TRPM3: variants seen among roughly 807,000 people sequenced by gnomAD.
TRPM3 encodes the protein transient receptor potential cation channel subfamily M member 3.
TRPM3 carries 77 observed loss-of-function variants against 181.2 expected under a neutral mutation model. The ratio of observed to expected loss-of-function variants is 0.42; its 90% CI spans 0.35 to 0.51. The LOEUF (loss-of-function observed/expected upper bound fraction) is 0.51, where lower values mean the gene tolerates loss of function less well. Among genes scored for constraint, TRPM3 ranks in the 20% least tolerant of loss-of-function variants. TRPM3 has a pLI of 0.01. For missense variants in TRPM3, 1,759 were observed against 2,196.7 expected (o/e 0.80, Z 3.98); for synonymous variants, 745 against 796.4 (o/e 0.94, Z 1.09).
intron 1 of TRPM3, among the ~76,000 whole-genome samples, chr9:71,202,862 C>T (rs1337262615): frequency 1.3e-5 from 2 of 152,204 alleles, no homozygotes; most frequent in South Asian, 2.1e-4. Context: ...AGAAAACTTA[C>T]ATACATAGCT....
chr9:70,860,605 G>C (rs1415223), intron 3 of TRPM3, among the ~76,000 whole-genome samples: 53,454 of 151,572 alleles, frequency 0.35, 9,724 homozygotes, highest in African/African-American at 0.38. Context: ...CAGATGCTGT[G>C]GTCAACCAGT....
At position 71,263,200 on chromosome 9, in the gene TRPM3, T is replaced by A. The variant is rs186449883; in HGVS notation, c.183+183453A>T. ...GACATAAGTGCTTTCATAATAATTT[T>A]CATACCTTCATCTTAGTTGACTTTG... On this transcript the variant is annotated intron_variant, in intron 1 of 24. Coordinates refer to the TRPM3 transcript ENST00000357533. 1.4e-3 allele frequency among the ~76,000 whole-genome samples: 206 copies of A among 152,358 alleles called. 2 individuals are homozygous for A. The highest frequency in any genetic ancestry group is 4.5e-3 in the African/African-American group (186 of 41,582).
At chr9:71,166,902 T>C (rs2076567646) in intron 1 of TRPM3, among the ~76,000 whole-genome samples, 4 of 152,130 alleles carry the variant, frequency 2.6e-5, no homozygotes, top group Admixed American at 2.6e-4. Context: ...CTAGAATCAT[T>C]CACTTGTAAT....
intron 19 of TRPM3, among the ~76,000 whole-genome samples, chr9:70,607,867 G>GTCTC (rs1260472508): frequency 2.6e-5 from 4 of 152,190 alleles, no homozygotes; most frequent in Non-Finnish European, 5.9e-5. Flanking sequence ...GTCTCTCTCT[G>GTCTC]TCTCTCACTA....
chr9:71,292,891 T>C (rs1013913785), intron 1 of TRPM3, among the ~76,000 whole-genome samples: 2 of 151,940 alleles, frequency 1.3e-5, no homozygotes, highest in Non-Finnish European at 1.5e-5. Context: ...GATTATATAT[T>C]GTCATTCAAC....
At chr9:70,802,367 CTG>C (rs562045118) in intron 6 of TRPM3, among the ~76,000 whole-genome samples, 7 of 152,300 alleles carry the variant, frequency 4.6e-5, no homozygotes, top group Non-Finnish European at 7.3e-5. Context: ...CTACTCAACT[CTG>C]TGGTTACAGT....
intron 1 of TRPM3, among the ~76,000 whole-genome samples, chr9:71,392,922 G>A (rs2093095935): frequency 6.6e-6 from 1 of 152,086 alleles, no homozygotes; most frequent in African/African-American, 2.4e-5. Flanking sequence ...GTAATGTTTT[G>A]GAATGTTATT....
chr9:71,319,496 T>C (rs1045563833), intron 1 of TRPM3, among the ~76,000 whole-genome samples: 1 of 152,062 alleles, frequency 6.6e-6, no homozygotes, highest in Non-Finnish European at 1.5e-5. Flanking sequence ...TACCGTTCTG[T>C]TTTATTTGGG....
At chr9:71,280,224 C>T (rs554856548) in intron 1 of TRPM3, among the ~76,000 whole-genome samples, 23 of 152,264 alleles carry the variant, frequency 1.5e-4, no homozygotes, top group African/African-American at 5.3e-4. Flanking sequence ...GCAACTCAGG[C>T]ACGTGAATGC....
intron 1 of TRPM3, among the ~76,000 whole-genome samples, chr9:70,935,791 T>A (rs181180683): frequency 1.6e-4 from 24 of 152,272 alleles, no homozygotes; most frequent in African/African-American, 5.5e-4. Flanking sequence ...AGTGGCAGAT[T>A]TTTTCCCCCA....
At chr9:70,589,802 A>G (rs997330567) in intron 22 of TRPM3, among the ~76,000 whole-genome samples, 1 of 152,230 alleles carries the variant, frequency 6.6e-6, no homozygotes, top group Non-Finnish European at 1.5e-5. Flanking sequence ...TGTTTGTTCA[A>G]AATCCATCGT....
intron 1 of TRPM3, among the ~76,000 whole-genome samples, chr9:71,169,032 A>T (rs1177286248): frequency 6.6e-6 from 1 of 152,172 alleles, no homozygotes; most frequent in African/African-American, 2.4e-5. Flanking sequence ...GGCAGGTTGT[A>T]TCAGGCATTG....
At chr9:70,581,763 C>A (rs1317298352) in intron 22 of TRPM3, among the ~76,000 whole-genome samples, 4 of 152,156 alleles carry the variant, frequency 2.6e-5, no homozygotes, top group African/African-American at 9.7e-5. Context: ...CATGGTGAGG[C>A]TCAGAGCTGG....
chr9:70,813,772 A>G (rs1790703856), intron 6 of TRPM3, among the ~76,000 whole-genome samples: 1 of 152,204 alleles, frequency 6.6e-6, no homozygotes, highest in African/African-American at 2.4e-5. Flanking sequence ...TGAGCGTGCT[A>G]TTTACTAGCA....
At chr9:71,012,113 C>G (rs1052321370) in intron 1 of TRPM3, among the ~76,000 whole-genome samples, 1 of 151,954 alleles carries the variant, frequency 6.6e-6, no homozygotes, top group South Asian at 2.1e-4. Context: ...GTATGTTCCT[C>G]TTTTTGTTTT....
chr9:70,889,399 T>G (rs148377094), intron 1 of TRPM3, among the ~76,000 whole-genome samples: 2 of 152,132 alleles, frequency 1.3e-5, no homozygotes, highest in African/African-American at 4.8e-5. Context: ...GTTTACACAT[T>G]GATGGGCGAG....
intron 1 of TRPM3, among the ~76,000 whole-genome samples, chr9:71,139,183 AAGC>A (rs2074951047): frequency 6.6e-6 from 1 of 152,222 alleles, no homozygotes; most frequent in African/African-American, 2.4e-5. Context: ...TAACTGAAAT[AAGC>A]AGTGTTCTCA....
chr9:71,001,259 T>C (rs2097596917), intron 1 of TRPM3, among the ~76,000 whole-genome samples: 1 of 152,176 alleles, frequency 6.6e-6, no homozygotes, highest in Non-Finnish European at 1.5e-5. Context: ...TAAGCCCACA[T>C]GGGGCTCATG....
chr9:70,587,826 G>A (rs897230801), intron 22 of TRPM3, among the ~76,000 whole-genome samples: 3 of 152,162 alleles, frequency 2.0e-5, no homozygotes, highest in Admixed American at 2.0e-4. Context: ...ACAATTTTGG[G>A]CTATTTGAAA....
Sources: gnomAD v4.1 joint callset for allele counts (sites outside exome capture counted in the v4.1 genomes callset) on GRCh38, gnomAD v4.1.1 for gene constraint, MANE v1.5 for transcripts, NCBI Gene and HGNC (gene_info 2026-07-23, HGNC 2026-07-21) for gene names.